TRABD2A: variants seen among roughly 807,000 people sequenced by gnomAD.
TRABD2A encodes metalloprotease TIKI1.
TRABD2A carries 43 observed loss-of-function variants against 45.6 expected under a neutral mutation model. The ratio of observed to expected loss-of-function variants is 0.94; its 90% CI spans 0.74 to 1.22. The LOEUF is 1.22. TRABD2A is among the 50% of genes most tolerant of loss of function. The probability of loss-of-function intolerance (pLI) is 0.00; values close to 1 mark genes in which losing one functional copy is unlikely to be tolerated. For synonymous variants in TRABD2A, 269 were observed against 265.0 expected, an observed-to-expected ratio of 1.02 and a Z score of -0.15; for missense variants, 642 against 652.4, an observed-to-expected ratio of 0.98 and a Z score of 0.17.
At chr2:84,823,805 G>C in intron 6 of TRABD2A, 148 bp downstream of exon 6, 1 of 1,092,820 alleles carries the variant, frequency 9.2e-7, no homozygotes, top group Non-Finnish European at 1.3e-6. Flanking sequence ...CTGTCACAGT[G>C]GACAGAAAAA....
At chr2:84,868,273 C>A (rs1392334266) in intron 2 of TRABD2A, among the ~76,000 whole-genome samples, 2 of 152,120 alleles carry the variant, frequency 1.3e-5, no homozygotes, top group African/African-American at 4.8e-5. Context: ...AGGATGAGTT[C>A]ATGTCCTTTG....
At chr2:84,829,163 A>G (rs912150256) in intron 5 of TRABD2A, among the ~76,000 whole-genome samples, 1 of 152,102 alleles carries the variant, frequency 6.6e-6, no homozygotes, top group Admixed American at 6.5e-5. Context: ...CAGAGAGCCC[A>G]TATAAACCTG....
chr2:84,880,819 C>G, intron 1 of TRABD2A, 113 bp downstream of exon 1: 1 of 1,478,282 alleles, frequency 6.8e-7, no homozygotes, highest in Non-Finnish European at 9.1e-7. Flanking sequence ...GGTGAAAGCC[C>G]AGCCGCGGAA....
intron 5 of TRABD2A, among the ~76,000 whole-genome samples, chr2:84,825,706 G>A (rs1333607512): frequency 6.6e-6 from 1 of 152,122 alleles, no homozygotes; most frequent in African/African-American, 2.4e-5. Flanking sequence ...CCCAAGCCAT[G>A]GACTAGCACT....
chr2:84,846,186 G>A (rs932945835), intron 2 of TRABD2A, among the ~76,000 whole-genome samples: 13 of 152,134 alleles, frequency 8.5e-5, no homozygotes, highest in African/African-American at 3.1e-4. Context: ...TTGAACAGTG[G>A]GCTGTGCATC....
chr2:84,848,191 T>C (rs1469344045), intron 2 of TRABD2A, among the ~76,000 whole-genome samples: 2 of 152,206 alleles, frequency 1.3e-5, no homozygotes, highest in Non-Finnish European at 2.9e-5. Context: ...GTTCCTTTTT[T>C]TCTAACAGTA....
At position 84,870,758 on chromosome 2, in the gene TRABD2A, T is replaced by C; in HGVS notation, c.136A>G (p.Thr46Ala). Residue 46 changes from threonine (T) to alanine (A), a missense_variant, in exon 2 of 7, where the codon ACC becomes GCC. Thr to Ala is a moderately conservative substitution (Grantham distance 58). Coordinates refer to ENST00000409520, the MANE Select transcript of TRABD2A (RefSeq NM_001277053.2). Reference sequence around the variant, plus strand: ...TAAGATGGTGGGTCTCGCTTAATGGTCCACAAGAAGGAATTCAGCTCGCTT... The same window carrying C: ...TAAGATGGTGGGTCTCGCTTAATGGCCCACAAGAAGGAATTCAGCTCGCTT... ...QQSELNSFLW[T>A]IKRDPPSYFF... The C allele has an allele frequency of 6.3e-7, 1 of 1,592,034 alleles. No individual in the cohort carries two copies. The highest frequency in any genetic ancestry group is 8.6e-7 in the Non-Finnish European group (1 of 1,168,944).
At chr2:84,856,846 G>A (rs954479720) in intron 2 of TRABD2A, among the ~76,000 whole-genome samples, 16 of 152,100 alleles carry the variant, frequency 1.1e-4, no homozygotes, top group Middle Eastern at 3.2e-3. Flanking sequence ...TTGTGTCCCC[G>A]CCAAAGGTCA....
At chr2:84,827,168 C>T (rs1301732544) in intron 5 of TRABD2A, among the ~76,000 whole-genome samples, 3 of 152,202 alleles carry the variant, frequency 2.0e-5, no homozygotes, top group East Asian at 1.9e-4. Context: ...TAAACTTCTA[C>T]CCACAAAAGC....
chr2:84,856,778 C>T (rs1682324330), intron 2 of TRABD2A, among the ~76,000 whole-genome samples: 1 of 152,158 alleles, frequency 6.6e-6, no homozygotes, highest in African/African-American at 2.4e-5. Context: ...AGTTCAGCTC[C>T]AGCCCTGACT....
chr2:84,852,497 T>TG (rs1309399145), intron 2 of TRABD2A, among the ~76,000 whole-genome samples: 3 of 151,188 alleles, frequency 2.0e-5, no homozygotes, highest in South Asian at 2.1e-4. Flanking sequence ...GACCATGGGC[T>TG]GGGGGGAGGG....
intron 2 of TRABD2A, among the ~76,000 whole-genome samples, chr2:84,863,643 G>A (rs1187579249): frequency 4.3e-5 from 5 of 116,474 alleles, no homozygotes; most frequent in African/African-American, 1.7e-4. Flanking sequence ...ACAGAGTCTC[G>A]CTCTGATGCC....
intron 2 of TRABD2A, among the ~76,000 whole-genome samples, chr2:84,843,089 C>A (rs372116085): frequency 7.9e-5 from 12 of 151,576 alleles, no homozygotes; most frequent in African/African-American, 2.9e-4. Context: ...CTGGCCACCC[C>A]CTACGAGGCT....
Position 84,880,918 on chromosome 2 carries a change from G to A in TRABD2A, c.108+14C>T, listed in dbSNP as rs1386164906. 6.3e-7 allele frequency: 1 copy of A among 1,579,510 alleles called. No individual in the cohort carries two copies. Among genetic ancestry groups the A allele is most frequent in the Non-Finnish European group, 8.6e-7 (1 of 1,163,160 alleles). On this transcript the variant is annotated intron_variant, in intron 1 of 6. Coordinates refer to ENST00000409520, the MANE Select transcript of TRABD2A (RefSeq NM_001277053.2). ...CAGAGAGGCCGGCTCTCCAGCACCC[G>A]ACGCGCGCCTTACTTGGGGCTTGAG... is the stretch of plus-strand genomic sequence containing the variant.
At chr2:84,878,748 A>G (rs1683110621) in intron 1 of TRABD2A, among the ~76,000 whole-genome samples, 1 of 152,174 alleles carries the variant, frequency 6.6e-6, no homozygotes, top group South Asian at 2.1e-4. Flanking sequence ...GCTGCACTGG[A>G]TTGGAGGCTG....
chr2:84,832,387 C>T (rs1681369727), intron 4 of TRABD2A: 3 of 515,480 alleles, frequency 5.8e-6, no homozygotes, highest in Non-Finnish European at 1.1e-5. Flanking sequence ...CAGCAAGTTA[C>T]CTGAAGTCAC....
intron 5 of TRABD2A, among the ~76,000 whole-genome samples, chr2:84,829,375 C>CACACAA (rs1414276414): frequency 8.7e-6 from 1 of 114,422 alleles, no homozygotes; most frequent in Non-Finnish European, 2.0e-5. Flanking sequence ...CACACACACA[C>CACACAA]ACACACACAC....
chr2:84,822,032 C>G lies in TRABD2A; in HGVS notation c.1403G>C (p.Arg468Pro). ...CTGGCTGTGGTGGGAATGCCCACGGCGAGGGAGCCGCAGTTCAGTGGAGAT... is the reference window on the plus strand; with the variant it reads ...CTGGCTGTGGTGGGAATGCCCACGGGGAGGGAGCCGCAGTTCAGTGGAGAT... The part of the protein sequence containing the change: ...RHISTELRLP[R>P]RGHSHHSQMV... The change falls in exon 7 of 7, where the codon CGC becomes CCC. Residue 468 changes from arginine to proline, a missense_variant. Physicochemically the swap from Arg to Pro is moderately radical, Grantham distance 103 (BLOSUM62 -2). Coordinates refer to ENST00000409520, the MANE Select transcript of TRABD2A (RefSeq NM_001277053.2). The G allele has an allele frequency of 6.3e-7, 1 of 1,591,916 alleles. No homozygotes were observed. The highest frequency in any genetic ancestry group is 1.3e-5 in the African/African-American group (1 of 74,590).
intron 2 of TRABD2A, among the ~76,000 whole-genome samples, chr2:84,851,672 T>C (rs1364593567): frequency 6.6e-6 from 1 of 152,270 alleles, no homozygotes; most frequent in Non-Finnish European, 1.5e-5. Flanking sequence ...AATTTGTTAG[T>C]AGTAGCTGTC....
Sources: allele counts gnomAD v4.1 joint callset (sites outside exome capture counted in the v4.1 genomes callset), GRCh38; gene constraint gnomAD v4.1.1; transcripts MANE v1.5; gene names NCBI Gene and HGNC (gene_info 2026-07-23, HGNC 2026-07-21).